Variants in IL16 observed in about 807,000 individuals in gnomAD.
IL16 encodes the protein interleukin 16, also known as pro-interleukin-16.
IL16 carries 67 observed loss-of-function variants against 110.1 expected under a neutral mutation model. The observed-to-expected ratio is 0.61, with a 90% CI of 0.50 to 0.75. IL16 has a LOEUF of 0.75. Ranked by LOEUF, IL16 falls within the 30% of genes least tolerant of loss-of-function variation. The probability of loss-of-function intolerance (pLI) is 0.00; values close to 1 mark genes in which losing one functional copy is unlikely to be tolerated. For missense variants in IL16, 1,545 were observed against 1,655.0 expected, an observed-to-expected ratio of 0.93 and a Z score of 1.15; for synonymous variants, 689 against 662.9, an observed-to-expected ratio of 1.04 and a Z score of -0.61.
intron 1 of IL16, among the ~76,000 whole-genome samples, chr15:81,220,796 GA>G (rs3086670): frequency 0.1 from 13,368 of 128,646 alleles, 573 homozygotes; most frequent in Non-Finnish European, 0.12. Context: ...CTTGTTGAAT[GA>G]AAAAAAAAAA....
intron 1 of IL16, among the ~76,000 whole-genome samples, chr15:81,211,815 T>G (rs915414727): frequency 1.3e-5 from 2 of 152,220 alleles, no homozygotes; most frequent in African/African-American, 4.8e-5. Context: ...TAAATCACAT[T>G]TATTGATTTA....
At position 81,239,727 on chromosome 15, in the gene IL16, C is replaced by G. The variant is rs1897284604; in HGVS notation, c.312+14016C>G. 2.6e-5 allele frequency among the ~76,000 whole-genome samples: 4 copies of G among 152,150 alleles called. No individual in the cohort carries two copies. The South Asian group carries it at 8.3e-4, about 32-fold the overall frequency. On this transcript the variant is annotated intron_variant, in intron 2 of 18. Coordinates refer to ENST00000683961, the MANE Select transcript of IL16 (RefSeq NM_172217.5). ...CCCCACTAGGTCTTTGCTGGTCTTC[C>G]TCCTTTCCTGGTGTTTTAGCCAGGC...
exon 1 of IL16, chr15:81,182,889 G>T (rs1327487091): frequency 7.8e-7 from 1 of 1,289,274 alleles, no homozygotes; most frequent in South Asian, 1.2e-5. Flanking sequence ...TCCCGAGAAG[G>T]CAGAACGGTG....
At chr15:81,271,294 A>ATAAAATAAAATAT (rs1365683153) in intron 5 of IL16, among the ~76,000 whole-genome samples, 1 of 150,564 alleles carries the variant, frequency 6.6e-6, no homozygotes, top group Non-Finnish European at 1.5e-5. Context: ...AAATAAAATA[A>ATAAAATAAAATAT]TAAAATAAAT....
intron 10 of IL16, 147 bp downstream of exon 10, chr15:81,285,977 T>C: frequency 1.2e-6 from 1 of 853,592 alleles, no homozygotes; most frequent in Non-Finnish European, 1.9e-6. Context: ...GTAGTAAGAA[T>C]TGTCTGCAGC....
intron 2 of IL16, among the ~76,000 whole-genome samples, chr15:81,250,182 T>C (rs1478635978): frequency 6.6e-6 from 1 of 152,196 alleles, no homozygotes. Context: ...TCTTGTTTTT[T>C]GTTTTGAGAC....
intron 6 of IL16, among the ~76,000 whole-genome samples, chr15:81,275,505 TCA>T (rs1898871651): frequency 1.3e-5 from 2 of 151,706 alleles, no homozygotes; most frequent in South Asian, 4.2e-4. Flanking sequence ...GAGTGTGCCA[TCA>T]TGTGTTTTAT....
chr15:81,287,339 G>A (rs773318497), intron 10 of IL16, among the ~76,000 whole-genome samples: 2 of 152,314 alleles, frequency 1.3e-5, no homozygotes, highest in East Asian at 1.9e-4. Context: ...GAGGTACCAC[G>A]GGGTGTCCAG....
At chr15:81,291,046 C>G (rs747592743) in intron 11 of IL16, among the ~76,000 whole-genome samples, 2 of 152,212 alleles carry the variant, frequency 1.3e-5, no homozygotes, top group Non-Finnish European at 2.9e-5. Flanking sequence ...CTCAGAGACT[C>G]TCTTACTCAA....
rs745968376 is a variant in IL16 at position 81,225,450 on chromosome 15, G to A, written c.51G>A (p.Arg17=). ...AGAGCAGAAAATCTGCAAAATTTCG[G>A]TCCATCTCCAGGTCCCTGATGCTCT... The part of the protein sequence containing the change: ...AGKSRKSAKF[R]SISRSLMLCN... The change falls in exon 2 of 19, where the codon CGG becomes CGA. Residue 17 remains arginine, a synonymous_variant. Coordinates refer to ENST00000683961, the MANE Select transcript of IL16 (RefSeq NM_172217.5). The A allele has an allele frequency of 8.7e-6, 14 of 1,614,164 alleles. No homozygotes were observed. In the South Asian group the frequency reaches 1.4e-4, roughly 16 times the overall value.
chr15:81,203,436 A>G (rs1373615011), intron 1 of IL16, among the ~76,000 whole-genome samples: 3 of 152,050 alleles, frequency 2.0e-5, no homozygotes. Context: ...GTTTTCTTCC[A>G]GGGTTTTTAT....
At chr15:81,224,631 C>T (rs1270510075) in intron 1 of IL16, among the ~76,000 whole-genome samples, 2 of 152,238 alleles carry the variant, frequency 1.3e-5, no homozygotes, top group African/African-American at 4.8e-5. Flanking sequence ...TTGGCAGGCA[C>T]TTGCCAAGTG....
Position 81,308,942 on chromosome 15 carries a change from A to T in IL16, c.*144A>T. The T allele has an allele frequency of 1.6e-6, 1 of 616,386 alleles. No individual in the cohort carries two copies. The highest frequency in any genetic ancestry group is 2.7e-6 in the Non-Finnish European group (1 of 365,862). 38.2% of individuals were successfully genotyped at this position (616,386 alleles called of 1,614,324 possible). A position where few individuals can be genotyped will look rare whatever the true frequency, so the allele number is the denominator to read the frequency against. ...CCCAGTGGCTGCTGCCCAGGCCCAG[A>T]CCTTCTAGGACGCCACCCAGCAAAA... On this transcript the variant is annotated 3_prime_UTR_variant, in exon 19 of 19. Coordinates refer to ENST00000683961, the MANE Select transcript of IL16 (RefSeq NM_172217.5).
At chr15:81,274,147 G>A (rs1212841636) in intron 6 of IL16, among the ~76,000 whole-genome samples, 1 of 152,190 alleles carries the variant, frequency 6.6e-6, no homozygotes, top group Non-Finnish European at 1.5e-5. Flanking sequence ...CTTTCTATAA[G>A]CTATGCTGGG....
intron 1 of IL16, among the ~76,000 whole-genome samples, chr15:81,204,091 ATGGGAG>A (rs1895921545): frequency 6.6e-6 from 1 of 152,004 alleles, no homozygotes; most frequent in South Asian, 2.1e-4. Flanking sequence ...GCAATTGTGA[ATGGGAG>A]TTCACTCATG....
At chr15:81,211,245 TTTTC>T (rs1416452112) in intron 1 of IL16, among the ~76,000 whole-genome samples, 3 of 150,366 alleles carry the variant, frequency 2.0e-5, no homozygotes, top group African/African-American at 4.9e-5. Context: ...TGAATTCTTT[TTTTC>T]TTTCTTTTTT....
At chr15:81,215,707 T>G (rs1352189844) in intron 1 of IL16, among the ~76,000 whole-genome samples, 2 of 152,150 alleles carry the variant, frequency 1.3e-5, no homozygotes, top group African/African-American at 4.8e-5. Flanking sequence ...GAGGGAGGCA[T>G]AGCTTGTTCC....
intron 2 of IL16, among the ~76,000 whole-genome samples, chr15:81,236,578 C>G (rs1897182343): frequency 6.6e-6 from 1 of 152,204 alleles, no homozygotes; most frequent in African/African-American, 2.4e-5. Flanking sequence ...TTCCTGAAAG[C>G]TAGTTTTAGG....
chr15:81,297,421 G>C (rs1900044077), intron 13 of IL16, among the ~76,000 whole-genome samples: 1 of 152,168 alleles, frequency 6.6e-6, no homozygotes, highest in South Asian at 2.1e-4. Flanking sequence ...CATTCCAGTT[G>C]CAACAGTCCT....
Sources: allele counts gnomAD v4.1 joint callset (sites outside exome capture counted in the v4.1 genomes callset), GRCh38; gene constraint gnomAD v4.1.1; transcripts MANE v1.5; gene names NCBI Gene and HGNC (gene_info 2026-07-23, HGNC 2026-07-21).